The following RFX7 variants were observed in gnomAD, a reference collection of about 807,000 sequenced individuals.
RFX7 encodes regulatory factor X7, also known as DNA-binding protein RFX7.
RFX7 carries 26 observed loss-of-function variants against 111.8 expected under a neutral mutation model. The observed-to-expected ratio is 0.23, with a 90% CI of 0.17 to 0.32. RFX7 has a LOEUF of 0.32. Among genes scored for constraint, RFX7 ranks in the 10% least tolerant of loss-of-function variants. The pLI, the probability that RFX7 is intolerant of heterozygous loss-of-function variation, is 1.00. For synonymous variants in RFX7, 624 were observed against 624.4 expected, an observed-to-expected ratio of 1.00 and a Z score of 0.01; for missense variants, 1,573 against 1,772.9, an observed-to-expected ratio of 0.89 and a Z score of 2.02.
intron 2 of RFX7, among the ~76,000 whole-genome samples, chr15:56,234,184 G>A (rs113388383): frequency 2.6e-5 from 4 of 152,040 alleles, no homozygotes; most frequent in African/African-American, 7.2e-5. Flanking sequence ...CTGCTTATAC[G>A]CCATTATTGC....
chr15:56,143,332 CACAT>C (rs2042426988), intron 4 of RFX7, among the ~76,000 whole-genome samples: 1 of 142,440 alleles, frequency 7.0e-6, no homozygotes, highest in African/African-American at 2.6e-5. Flanking sequence ...CACATGTATA[CACAT>C]ACATATACAT....
intron 5 of RFX7, among the ~76,000 whole-genome samples, chr15:56,114,517 A>G (rs1220938801): frequency 6.6e-6 from 1 of 152,028 alleles, no homozygotes; most frequent in African/African-American, 2.4e-5. Context: ...TTTTGGGCAG[A>G]ACAATGATAT....
intron 3 of RFX7, 67 bp downstream of exon 3, chr15:56,179,203 C>G: frequency 1.4e-6 from 1 of 730,854 alleles, no homozygotes; most frequent in South Asian, 1.8e-5. Flanking sequence ...TACTTGAAAA[C>G]TGTATATTTT....
intron 5 of RFX7, among the ~76,000 whole-genome samples, chr15:56,119,984 C>G (rs1595940603): frequency 6.6e-6 from 1 of 152,022 alleles, no homozygotes; most frequent in South Asian, 2.1e-4. Context: ...TCTCTGGCTA[C>G]TCTGGCTATC....
At chr15:56,167,377 G>GTA (rs578256064) in intron 3 of RFX7, among the ~76,000 whole-genome samples, 4 of 152,090 alleles carry the variant, frequency 2.6e-5, no homozygotes, top group Non-Finnish European at 5.9e-5. Context: ...ATAGACCAAC[G>GTA]TAACTGAAGT....
At chr15:56,211,606 A>G (rs568244186) in intron 2 of RFX7, among the ~76,000 whole-genome samples, 1 of 152,290 alleles carries the variant, frequency 6.6e-6, no homozygotes, top group Admixed American at 6.5e-5. Context: ...AAGAGAAAAG[A>G]AAGTTGAGCT....
chr15:56,185,978 C>G (rs1346819579), intron 2 of RFX7, among the ~76,000 whole-genome samples: 1 of 152,190 alleles, frequency 6.6e-6, no homozygotes, highest in Non-Finnish European at 1.5e-5. Context: ...ACATTTGTCT[C>G]TGCTGAATTT....
At chr15:56,223,657 A>G (rs1164478477) in intron 2 of RFX7, among the ~76,000 whole-genome samples, 2 of 152,206 alleles carry the variant, frequency 1.3e-5, no homozygotes, top group Non-Finnish European at 2.9e-5. Flanking sequence ...TGAAAAAATG[A>G]ACAATTTTTC....
chr15:56,133,573 T>TATCC (rs2042246845), intron 5 of RFX7, among the ~76,000 whole-genome samples: 1 of 152,114 alleles, frequency 6.6e-6, no homozygotes, highest in East Asian at 1.9e-4. Flanking sequence ...GAAATTTCAT[T>TATCC]TAGGCACTCT....
In RFX7 at chr15:56,101,444, C is replaced by T; in HGVS notation, c.726G>A (p.Leu242=). 2.5e-6 allele frequency: 4 copies of T among 1,613,468 alleles called. No individual in the cohort carries two copies. Among genetic ancestry groups the T allele is most frequent in the Non-Finnish European group, 2.5e-6 (3 of 1,179,732 alleles). Residue 242 remains leucine (L), a synonymous_variant, in exon 8 of 10, where the codon TTG becomes TTA. Coordinates refer to ENST00000559447, the MANE Select transcript of RFX7 (RefSeq NM_022841.7). The part of the protein sequence containing the change: ...KVLSQPFDTV[L]ELARFLVKSH... ...TTTTTACAAGGAAGCGGGCTAATTCCAAGACGGTGTCAAATGGTTGGCTTA... is the reference window on the plus strand; with the variant it reads ...TTTTTACAAGGAAGCGGGCTAATTCTAAGACGGTGTCAAATGGTTGGCTTA...
intron 5 of RFX7, among the ~76,000 whole-genome samples, chr15:56,104,007 T>C (rs901770213): frequency 1.3e-5 from 2 of 152,216 alleles, no homozygotes; most frequent in African/African-American, 2.4e-5. Context: ...TTTCCACATA[T>C]GTATCAGGCT....
chr15:56,229,801 G>A (rs1182396977), intron 2 of RFX7, among the ~76,000 whole-genome samples: 1 of 152,142 alleles, frequency 6.6e-6, no homozygotes, highest in African/African-American at 2.4e-5. Context: ...AGCTGAAAGG[G>A]TCTTTAAAAG....
rs184455702 is a variant in RFX7, at chr15:56,095,143, T to G, written c.2585A>C (p.Lys862Thr). ...CTGGGAAACAGAAGGCTCAAACTCCTTCAGTTCAGATTGCAGAGGTAACTG... is the reference window on the plus strand; with the variant it reads ...CTGGGAAACAGAAGGCTCAAACTCCGTCAGTTCAGATTGCAGAGGTAACTG... Reference protein sequence around the residue: ...SDQLPLQSELKEFEPSVSQTN... With the variant: ...SDQLPLQSELTEFEPSVSQTN... Residue 862 changes from lysine (K) to threonine (T), a missense_variant, in exon 10 of 10, where the codon AAG (lysine) becomes ACG (threonine). This residue lies in a region of RFX7 where 625 missense variants were observed against 632.2 expected (regional missense o/e 0.99). Coordinates refer to ENST00000559447, the MANE Select transcript of RFX7 (RefSeq NM_022841.7). 3 of 1,613,980 alleles carry G rather than the reference T, an allele frequency of 1.9e-6. No individual in the cohort carries two copies. In the Admixed American group the frequency reaches 5.0e-5, roughly 27 times the overall value.
intron 5 of RFX7, among the ~76,000 whole-genome samples, chr15:56,116,031 C>T (rs2042005179): frequency 6.6e-6 from 1 of 151,942 alleles, no homozygotes; most frequent in African/African-American, 2.4e-5. Context: ...AATTAACAAA[C>T]ATTGAAAGAA....
intron 5 of RFX7, among the ~76,000 whole-genome samples, chr15:56,138,606 C>G (rs1450367224): frequency 2.0e-5 from 3 of 151,902 alleles, no homozygotes; most frequent in Non-Finnish European, 4.4e-5. Flanking sequence ...GAGCATTTAG[C>G]CCATTTACAT....
intron 5 of RFX7, among the ~76,000 whole-genome samples, chr15:56,117,687 A>G (rs754775586): frequency 2.6e-5 from 4 of 152,022 alleles, no homozygotes; most frequent in Non-Finnish European, 5.9e-5. Context: ...TGTGAAACGA[A>G]CTTTTATCAA....
At chr15:56,235,179 G>T (rs948610559) in intron 2 of RFX7, among the ~76,000 whole-genome samples, 1 of 145,630 alleles carries the variant, frequency 6.9e-6, no homozygotes. Flanking sequence ...CTCGTTTGTT[G>T]TTTTTTTTTT....
At chr15:56,109,337 T>C (rs1393163519) in intron 5 of RFX7, among the ~76,000 whole-genome samples, 1 of 152,262 alleles carries the variant, frequency 6.6e-6, no homozygotes, top group African/African-American at 2.4e-5. Context: ...CGGAGTCTCC[T>C]TCACTCAGTG....
chr15:56,224,581 C>A (rs2043461848), intron 2 of RFX7, among the ~76,000 whole-genome samples: 1 of 151,612 alleles, frequency 6.6e-6, no homozygotes, highest in African/African-American at 2.4e-5. Context: ...AACGTAGTTA[C>A]ATGAAGTCGT....
Sources: gnomAD v4.1 joint callset for allele counts (sites outside exome capture counted in the v4.1 genomes callset) on GRCh38, gnomAD v4.1.1 for gene constraint, gnomAD v4.1.1 regional missense constraint, MANE v1.5 for transcripts, NCBI Gene and HGNC (gene_info 2026-07-23, HGNC 2026-07-21) for gene names.